KDM5A: variants seen among roughly 807,000 people sequenced by gnomAD.
KDM5A encodes lysine-specific demethylase 5A.
Under a neutral mutation model 193.5 loss-of-function variants are expected in KDM5A, and 42 were observed. The ratio of observed to expected loss-of-function variants is 0.22; its 90% CI spans 0.17 to 0.28. The LOEUF (loss-of-function observed/expected upper bound fraction) is 0.28. Ranked by LOEUF, KDM5A falls within the 10% of genes least tolerant of loss-of-function variation. The pLI is 1.00. For missense variants in KDM5A, 1,692 were observed against 2,055.1 expected (o/e 0.82, Z 3.42); for synonymous variants, 796 against 718.1 (o/e 1.11, Z -1.73).
At chr12:309,205 A>G (rs553968240) in intron 22 of KDM5A, among the ~76,000 whole-genome samples, 9 of 152,364 alleles carry the variant, frequency 5.9e-5, no homozygotes, top group East Asian at 3.9e-4. Flanking sequence ...TAGTTTCATT[A>G]TAACACTGAT....
At position 333,064 on chromosome 12, in the gene KDM5A, C is replaced by T. The variant is rs146546622; in HGVS notation, c.1653+423G>A. The T allele has an allele frequency of 8.1e-4, 178 of 219,720 alleles. 2 individuals carry two copies. Among genetic ancestry groups the T allele is most frequent in the African/African-American group, 3.9e-3 (171 of 43,372 alleles). The allele number at this position is 219,720 out of a possible 1,614,324, so 13.6% of individuals were successfully genotyped here. A position where few individuals can be genotyped will look rare whatever the true frequency, so the allele number is the denominator to read the frequency against. On this transcript the variant is annotated intron_variant, in intron 12 of 27. Coordinates refer to ENST00000399788, the MANE Select transcript of KDM5A (RefSeq NM_001042603.3). ...GGCTAAAAGATGATATGACTCATTT[C>T]TAGTTACAAAACAAAGCATATGTTG...
intron 27 of KDM5A, among the ~76,000 whole-genome samples, chr12:290,981 C>T (rs1943286087): frequency 6.6e-6 from 1 of 152,090 alleles, no homozygotes; most frequent in Non-Finnish European, 1.5e-5. Flanking sequence ...GAAGGTTCTG[C>T]CAATAATGAA....
chr12:343,483 C>T (rs1735186956), intron 10 of KDM5A, among the ~76,000 whole-genome samples: 1 of 152,200 alleles, frequency 6.6e-6, no homozygotes, highest in African/African-American at 2.4e-5. Flanking sequence ...CTCATGTAGC[C>T]TAACTGGGAG....
At chr12:300,636 C>A (rs1045919325) in intron 24 of KDM5A, among the ~76,000 whole-genome samples, 1 of 151,996 alleles carries the variant, frequency 6.6e-6, no homozygotes, top group African/African-American at 2.4e-5. Context: ...GAAGCAAGAG[C>A]AAACAAATTC....
At chr12:326,049 C>T (rs756686734) in intron 14 of KDM5A, among the ~76,000 whole-genome samples, 2 of 152,116 alleles carry the variant, frequency 1.3e-5, no homozygotes, top group Non-Finnish European at 2.9e-5. Context: ...GTCAAGATCA[C>T]GCTAAGTTTT....
At chr12:388,840 G>T in intron 1 of KDM5A, 87 bp downstream of exon 1, 1 of 1,455,894 alleles carries the variant, frequency 6.9e-7, no homozygotes, top group Non-Finnish European at 9.6e-7. Flanking sequence ...TATGAAACGA[G>T]ACAAGGATCA....
At chr12:305,391 C>G (rs1380085790) in intron 24 of KDM5A, among the ~76,000 whole-genome samples, 1 of 152,160 alleles carries the variant, frequency 6.6e-6, no homozygotes, top group Non-Finnish European at 1.5e-5. Flanking sequence ...TATTTCCCAG[C>G]AGAGGAATCT....
intron 8 of KDM5A, among the ~76,000 whole-genome samples, chr12:353,486 G>A (rs1396076801): frequency 2.0e-5 from 3 of 151,938 alleles, no homozygotes; most frequent in Non-Finnish European, 4.4e-5. Context: ...TTTTATTGTT[G>A]CCCAGCAATA....
intron 3 of KDM5A, among the ~76,000 whole-genome samples, chr12:377,391 G>C (rs1274692750): frequency 6.6e-6 from 1 of 151,826 alleles, no homozygotes; most frequent in East Asian, 1.9e-4. Context: ...AGGTTATTGA[G>C]AGCCATAAAA....
At chr12:301,175 T>C (rs1200860138) in intron 24 of KDM5A, among the ~76,000 whole-genome samples, 1 of 152,194 alleles carries the variant, frequency 6.6e-6, no homozygotes, top group Non-Finnish European at 1.5e-5. Flanking sequence ...CTAACTCATT[T>C]CATGAGGCCA....
intron 3 of KDM5A, among the ~76,000 whole-genome samples, chr12:377,388 TGA>T (rs1489416751): frequency 1.3e-5 from 2 of 151,974 alleles, no homozygotes; most frequent in African/African-American, 4.8e-5. Context: ...GAAAGGTTAT[TGA>T]GAGCCATAAA....
chr12:374,954 C>T (rs181752328), intron 3 of KDM5A, among the ~76,000 whole-genome samples: 81 of 152,236 alleles, frequency 5.3e-4, no homozygotes, highest in African/African-American at 1.9e-3. Context: ...CGCTGTTAGT[C>T]TGATGGGCTT....
At chr12:388,361 A>C in intron 1 of KDM5A, 1 of 450,000 alleles carries the variant, frequency 2.2e-6, no homozygotes, top group Non-Finnish European at 4.4e-6. Flanking sequence ...CTCCACTATA[A>C]ACCAATTTTT....
At chr12:296,146 C>G (rs957647143) in intron 25 of KDM5A, among the ~76,000 whole-genome samples, 1 of 151,882 alleles carries the variant, frequency 6.6e-6, no homozygotes, top group Non-Finnish European at 1.5e-5. Flanking sequence ...TAGTGAAACC[C>G]CATCTCTACT....
intron 5 of KDM5A, among the ~76,000 whole-genome samples, chr12:359,211 A>G (rs1041437975): frequency 7.9e-5 from 12 of 152,176 alleles, no homozygotes; most frequent in Non-Finnish European, 1.5e-4. Flanking sequence ...ATATCAAGTC[A>G]TCACTTTTTA....
At position 339,102 on chromosome 12, in the gene KDM5A, C is replaced by T. The variant is rs189996301; in HGVS notation, c.1309-4680G>A. ...CTGAGGCAGGAGAAACGCCTGAACCCGGGAGGCAGAGGTTGTGGTGAGCCG... is the reference window on the plus strand; with the variant it reads ...CTGAGGCAGGAGAAACGCCTGAACCTGGGAGGCAGAGGTTGTGGTGAGCCG... On this transcript the variant is annotated intron_variant, in intron 10 of 27. Transcript: ENST00000399788. Among the ~76,000 whole-genome samples, 236 of 149,118 alleles carry T rather than the reference C, an allele frequency of 1.6e-3. 1 individual carries two copies. Among genetic ancestry groups the T allele is most frequent in the African/African-American group, 4.3e-3 (174 of 40,418 alleles).
At chr12:360,751 G>A (rs1226069048) in intron 5 of KDM5A, among the ~76,000 whole-genome samples, 1 of 152,182 alleles carries the variant, frequency 6.6e-6, no homozygotes, top group Non-Finnish European at 1.5e-5. Context: ...GCAAGGATAA[G>A]GCATCATGTA....
At chr12:355,304 T>C (rs1293804580) in intron 6 of KDM5A, 55 bp from the exon 7 acceptor site, 3 of 912,278 alleles carry the variant, frequency 3.3e-6, no homozygotes, top group Non-Finnish European at 5.6e-6. Context: ...GAGCTTACTA[T>C]GGACCAGACA....
intron 3 of KDM5A, among the ~76,000 whole-genome samples, chr12:373,065 G>T (rs1344904573): frequency 2.0e-5 from 3 of 151,800 alleles, no homozygotes; most frequent in Non-Finnish European, 2.9e-5. Flanking sequence ...TTTTTTGTTG[G>T]GTCTCTGCCA....
Sources: allele counts gnomAD v4.1 joint callset (sites outside exome capture counted in the v4.1 genomes callset), GRCh38; gene constraint gnomAD v4.1.1; transcripts MANE v1.5; gene names NCBI Gene and HGNC (gene_info 2026-07-23, HGNC 2026-07-21).